Variants in FGR observed in about 807,000 individuals in gnomAD.
The protein encoded by FGR is tyrosine-protein kinase Fgr.
In FGR, 26 loss-of-function variants were observed where a neutral mutation model predicts 63.2. That is an observed-to-expected ratio of 0.41 (90% CI 0.30 to 0.57). FGR has a LOEUF of 0.57. FGR is among the 20% of genes least tolerant of loss of function. The pLI, the probability that FGR is intolerant of heterozygous loss-of-function variation, is 0.27. For synonymous variants in FGR, 286 were observed against 277.7 expected (o/e 1.03, Z -0.30); for missense variants, 511 against 690.8 (o/e 0.74, Z 2.92).
chr1:27,620,873 A>C (rs2089907174), intron 5 of FGR, among the ~76,000 whole-genome samples: 1 of 151,320 alleles, frequency 6.6e-6, no homozygotes, highest in South Asian at 2.1e-4. Flanking sequence ...TTAAAAAAAA[A>C]AATATTAGCC....
In FGR at chr1:27,615,606, C is replaced by G; in HGVS notation, c.846G>C (p.Trp282Cys). 6.2e-7 allele frequency: 1 copy of G among 1,608,086 alleles called. No individual in the cohort carries two copies. The highest frequency in any genetic ancestry group is 8.5e-7 in the Non-Finnish European group (1 of 1,175,068). The change falls in exon 9 of 13, where the codon TGG becomes TGC. Residue 282 changes from tryptophan to cysteine, a missense_variant. Transcript: ENST00000374005. The surrounding 1 kb of genome is among the most constrained non-coding windows in gnomAD (Gnocchi z 7.6). ...TCACCGCCACCTTAGTGCTGCCGTT[C>G]CACGTGCCTGCTCGGAGGCTGTCTT... ...GCFGDVWLGT[W>C]NGSTKVAVKT...
rs978255157 is a variant in FGR, at chr1:27,631,967, T to C, written c.-77+3098A>G. Among the ~76,000 whole-genome samples the C allele has an allele frequency of 2.0e-5, 3 of 151,980 alleles. No individual in the cohort carries two copies. The East Asian group carries it at 5.8e-4, about 29-fold the overall frequency. ...GGTCTGCAGGTGACTCCCATCCCAC[T>C]GTGCCGCATCTCTCACTAGGCCCTA... On this transcript the variant is annotated intron_variant, in intron 1 of 12. Transcript: ENST00000374005.
chr1:27,620,991 CAAAAAAA>C (rs59265327), intron 5 of FGR, among the ~76,000 whole-genome samples: 17 of 22,034 alleles, frequency 7.7e-4, no homozygotes, highest in East Asian at 1.5e-3. Flanking sequence ...GACCCTGTCT[CAAAAAAA>C]AAAAAAAAAA....
At chr1:27,622,009 T>A (rs1166717647) in intron 4 of FGR, among the ~76,000 whole-genome samples, 1 of 152,140 alleles carries the variant, frequency 6.6e-6, no homozygotes, top group African/African-American at 2.4e-5. Context: ...CTTCTCAATG[T>A]GGCTTAAAAA....
In FGR at chr1:27,615,958, C is replaced by A; in HGVS notation, c.683-114G>T. 1 of 1,191,632 alleles carries A rather than the reference C, an allele frequency of 8.4e-7. No homozygotes were observed. The highest frequency in any genetic ancestry group is 1.8e-5 in the South Asian group (1 of 56,932). The allele number at this position is 1,191,632 out of a possible 1,614,324, so 73.8% of individuals were successfully genotyped here. A position where few individuals can be genotyped will look rare whatever the true frequency, so the allele number is the denominator to read the frequency against. ...AAGATCAGTTATAAGGAACTAGGCCCCAAGTGAGGTCACAGGCCAGGAAGA... is the reference window on the plus strand; with the variant it reads ...AAGATCAGTTATAAGGAACTAGGCCACAAGTGAGGTCACAGGCCAGGAAGA... On this transcript the variant is annotated intron_variant, in intron 7 of 12. Coordinates refer to ENST00000374005, the MANE Select transcript of FGR (RefSeq NM_005248.3). The surrounding 1 kb of genome is among the most constrained non-coding windows in gnomAD (Gnocchi z 7.6).
Position 27,616,446 on chromosome 1 carries a change from T to A in FGR, c.682+411A>T, listed in dbSNP as rs1407181488. Among the ~76,000 whole-genome samples, 2 of 152,216 alleles carry A rather than the reference T, an allele frequency of 1.3e-5. No homozygotes were observed. The highest frequency in any genetic ancestry group is 4.8e-5 in the African/African-American group (2 of 41,462). Reference sequence around the variant, plus strand: ...CCTCACTCTGCCTTGGCCCCTGGCATCCAAGCTCCACCAGCAGCCAGAGTT... The same window carrying A: ...CCTCACTCTGCCTTGGCCCCTGGCAACCAAGCTCCACCAGCAGCCAGAGTT... On this transcript the variant is annotated intron_variant, in intron 7 of 12. Transcript: ENST00000374005. The surrounding 1 kb of genome is among the most constrained non-coding windows in gnomAD (Gnocchi z 4.3).
intron 1 of FGR, among the ~76,000 whole-genome samples, chr1:27,625,681 C>T (rs1358274451): frequency 3.9e-5 from 6 of 152,240 alleles, no homozygotes; most frequent in African/African-American, 1.4e-4. Flanking sequence ...TGGCTCACGC[C>T]TATAATCCCA....
chr1:27,627,670 A>G (rs966062059), intron 1 of FGR, among the ~76,000 whole-genome samples: 6 of 152,064 alleles, frequency 3.9e-5, no homozygotes, highest in African/African-American at 9.7e-5. Flanking sequence ...GTGCAATGGC[A>G]TGATCTCAGC....
chr1:27,623,007 A>G, intron 4 of FGR, 35 bp downstream of exon 4: 1 of 1,474,992 alleles, frequency 6.8e-7, no homozygotes, highest in Non-Finnish European at 9.5e-7. Context: ...CTCCCAGCCC[A>G]GGCAATGTTC....
chr1:27,620,585 C>G, intron 5 of FGR, among the ~76,000 whole-genome samples: 1 of 152,076 alleles, frequency 6.6e-6, no homozygotes, highest in East Asian at 1.9e-4. Flanking sequence ...TCACTGTACC[C>G]CAGCCTGGGC....
chr1:27,622,977 G>T lies in FGR; in HGVS notation c.329+65C>A, dbSNP rs532338645. ...GCATTCTGAGGCTAGGGACCAGGTGGGATTCCTGTCTGTGTCCTGCTCCCA... is the reference window on the plus strand; with the variant it reads ...GCATTCTGAGGCTAGGGACCAGGTGTGATTCCTGTCTGTGTCCTGCTCCCA... On this transcript the variant is annotated intron_variant, in intron 4 of 12. Coordinates refer to ENST00000374005, the MANE Select transcript of FGR (RefSeq NM_005248.3). The T allele has an allele frequency of 3.5e-6, 4 of 1,144,094 alleles. No individual in the cohort carries two copies. In the African/African-American group the frequency reaches 6.1e-5, roughly 17 times the overall value. 70.9% of individuals were successfully genotyped at this position (1,144,094 alleles called of 1,614,324 possible).
chr1:27,614,708 G>C (rs962020017), intron 10 of FGR, 125 bp from the exon 11 acceptor site: 1 of 1,361,520 alleles, frequency 7.3e-7, no homozygotes, highest in Admixed American at 2.1e-5. Flanking sequence ...CCCAGAAAGA[G>C]AGGCAGTACC....
chr1:27,621,016 AAAAG>A (rs565256399), intron 5 of FGR, among the ~76,000 whole-genome samples: 10,372 of 126,130 alleles, frequency 0.082, 717 homozygotes, highest in Non-Finnish European at 0.13. Flanking sequence ...AAAAAAAAAA[AAAAG>A]AAAGAAAGAA....
chr1:27,634,801 C>G (rs1438336736), intron 1 of FGR, among the ~76,000 whole-genome samples: 1 of 152,018 alleles, frequency 6.6e-6, no homozygotes, highest in Admixed American at 6.5e-5. Context: ...ACCCACTAGA[C>G]CTTTTTGGGG....
rs145692702 is a variant in FGR at position 27,618,073 on chromosome 1, C to T, written c.429-777G>A. Among the ~76,000 whole-genome samples, 303 of 152,294 alleles carry T rather than the reference C, an allele frequency of 2.0e-3. 1 individual carries two copies. The highest frequency in any genetic ancestry group is 6.9e-3 in the African/African-American group (288 of 41,560). ...TTGAATTAAAGGAGCCTCGTGTTTTCAAACCAAGGGTGGTGGAAGTCTCAG... is the reference window on the plus strand; with the variant it reads ...TTGAATTAAAGGAGCCTCGTGTTTTTAAACCAAGGGTGGTGGAAGTCTCAG... On this transcript the variant is annotated intron_variant, in intron 5 of 12. Transcript: ENST00000374005.
intron 4 of FGR, among the ~76,000 whole-genome samples, chr1:27,622,059 T>A (rs1277790103): frequency 6.6e-6 from 1 of 151,992 alleles, no homozygotes; most frequent in East Asian, 1.9e-4. Context: ...TGCCTGTAAT[T>A]CCAGCAGTTT....
intron 10 of FGR, 117 bp from the exon 11 acceptor site, chr1:27,614,700 C>T: frequency 1.4e-6 from 2 of 1,388,856 alleles, no homozygotes; most frequent in South Asian, 2.6e-5. Flanking sequence ...GACTGAGGCC[C>T]AGAAAGAGAG....
chr1:27,633,136 A>G (rs1443808612), intron 1 of FGR, among the ~76,000 whole-genome samples: 2 of 152,124 alleles, frequency 1.3e-5, no homozygotes, highest in Admixed American at 6.5e-5. Flanking sequence ...AGTAGTCATG[A>G]AGCCCCTAAA....
In FGR at chr1:27,616,048, G is replaced by A. The variant is rs2089805920; in HGVS notation, c.683-204C>T. Among the ~76,000 whole-genome samples, 1 of 152,214 alleles carries A rather than the reference G, an allele frequency of 6.6e-6. No homozygotes were observed. The stretch of plus-strand genomic sequence containing the variant: ...CCCAAGGAAGGGGGTGGCACCCAGA[G>A]GGAGAGATGATCCCTGTAAGCCTTC... On this transcript the variant is annotated intron_variant, in intron 7 of 12. Coordinates refer to ENST00000374005, the MANE Select transcript of FGR (RefSeq NM_005248.3). The surrounding 1 kb of genome is among the most constrained non-coding windows in gnomAD (Gnocchi z 4.3).
Sources: gnomAD v4.1 joint callset for allele counts (sites outside exome capture counted in the v4.1 genomes callset) on GRCh38, gnomAD v4.1.1 for gene constraint, Gnocchi (gnomAD v3.1) non-coding constraint, MANE v1.5 for transcripts, NCBI Gene and HGNC (gene_info 2026-07-23, HGNC 2026-07-21) for gene names.